SLC24A2: variants seen among roughly 807,000 people sequenced by gnomAD.
SLC24A2 encodes the protein solute carrier family 24 member 2.
A neutral mutation model predicts 62.0 loss-of-function variants in SLC24A2; 36 were observed. The observed-to-expected ratio is 0.58, with a 90% CI of 0.44 to 0.77. SLC24A2 has a LOEUF of 0.77. SLC24A2 is among the 30% of genes least tolerant of loss of function. The probability of loss-of-function intolerance (pLI) is 0.00; values close to 1 mark genes in which losing one functional copy is unlikely to be tolerated. For missense variants in SLC24A2, 846 were observed against 817.9 expected, an observed-to-expected ratio of 1.03 and a Z score of -0.42; for synonymous variants, 358 against 294.0, an observed-to-expected ratio of 1.22 and a Z score of -2.23.
the SLC24A2 span, among the ~76,000 whole-genome samples, chr9:20,264,017 G>C: frequency 1.9e-4 from 29 of 152,152 alleles, no homozygotes; most frequent in Non-Finnish European, 2.9e-4. Context: ...GGAATAATTA[G>C]CTCTTGACAA....
At chr9:20,056,066 G>C in the SLC24A2 span, among the ~76,000 whole-genome samples, 1 of 152,248 alleles carries the variant, frequency 6.6e-6, no homozygotes, top group East Asian at 1.9e-4. Context: ...TGTTCTAGAA[G>C]ACATCTGCCT....
intron 7 of SLC24A2, among the ~76,000 whole-genome samples, chr9:19,571,344 T>C (rs1329198781): frequency 6.6e-6 from 1 of 152,140 alleles, no homozygotes; most frequent in Non-Finnish European, 1.5e-5. Context: ...GAAACTTTCC[T>C]TAGGAAAGAA....
At chr9:20,017,313 ACGCCTGGC>A in the SLC24A2 span, among the ~76,000 whole-genome samples, 2 of 152,176 alleles carry the variant, frequency 1.3e-5, no homozygotes, top group Non-Finnish European at 2.9e-5. Context: ...GTGAGCCACC[ACGCCTGGC>A]CCCAAAATAA....
the SLC24A2 span, among the ~76,000 whole-genome samples, chr9:20,152,270 A>C: frequency 6.6e-6 from 1 of 151,920 alleles, no homozygotes; most frequent in Non-Finnish European, 1.5e-5. Flanking sequence ...ATGAGCTTTA[A>C]AACCTCTTTG....
At chr9:19,545,598 A>G (rs1262039788) in intron 8 of SLC24A2, among the ~76,000 whole-genome samples, 1 of 150,688 alleles carries the variant, frequency 6.6e-6, no homozygotes, top group East Asian at 2.0e-4. Flanking sequence ...TGACCTTCGG[A>G]TGGGGTCTCT....
intron 2 of SLC24A2, among the ~76,000 whole-genome samples, chr9:19,708,668 T>C (rs1393568142): frequency 6.6e-6 from 1 of 152,196 alleles, no homozygotes; most frequent in Non-Finnish European, 1.5e-5. Context: ...GGATTCCCTA[T>C]TTAATAAATG....
the SLC24A2 span, among the ~76,000 whole-genome samples, chr9:20,278,724 C>G: frequency 6.6e-6 from 1 of 152,204 alleles, no homozygotes; most frequent in African/African-American, 2.4e-5. Context: ...TTTAGACTTT[C>G]TCACATTTTC....
chr9:19,841,282 A>G, the SLC24A2 span, among the ~76,000 whole-genome samples: 1 of 152,154 alleles, frequency 6.6e-6, no homozygotes, highest in Non-Finnish European at 1.5e-5. Context: ...AAAATAAGGC[A>G]GAGAAGGGGA....
chr9:20,076,525 G>C, the SLC24A2 span, among the ~76,000 whole-genome samples: 1 of 152,120 alleles, frequency 6.6e-6, no homozygotes, highest in Non-Finnish European at 1.5e-5. Context: ...CCAGAAGCTG[G>C]GAAGAGGCAA....
Position 19,598,892 on chromosome 9 carries a change from T to C in SLC24A2, c.1079-1613A>G, listed in dbSNP as rs528863624. ...TAACAAATCACATCAGCCAACTAACTGTTTTGTGACCTCTCTTCCTTCCCT... is the reference window on the plus strand; with the variant it reads ...TAACAAATCACATCAGCCAACTAACCGTTTTGTGACCTCTCTTCCTTCCCT... On this transcript the variant is annotated intron_variant, in intron 4 of 10. Coordinates refer to ENST00000341998, the MANE Select transcript of SLC24A2 (RefSeq NM_020344.4). Among the ~76,000 whole-genome samples, 3 of 152,356 alleles carry C rather than the reference T, an allele frequency of 2.0e-5. No individual in the cohort carries two copies. The South Asian group carries it at 6.2e-4, about 32-fold the overall frequency.
chr9:19,550,706 CTTT>C (rs10630327), intron 7 of SLC24A2, among the ~76,000 whole-genome samples: 1 of 145,068 alleles, frequency 6.9e-6, no homozygotes, highest in Admixed American at 6.9e-5. Context: ...TTCTTTTTCT[CTTT>C]TTTTTTTTTT....
the SLC24A2 span, among the ~76,000 whole-genome samples, chr9:20,294,730 A>G: frequency 6.6e-6 from 1 of 152,164 alleles, no homozygotes; most frequent in African/African-American, 2.4e-5. Flanking sequence ...CAAATATGAT[A>G]TTTCAGGCAC....
intron 2 of SLC24A2, among the ~76,000 whole-genome samples, chr9:19,721,521 A>G (rs1220791004): frequency 1.3e-5 from 2 of 152,162 alleles, no homozygotes; most frequent in Non-Finnish European, 2.9e-5. Flanking sequence ...TTCACAATGA[A>G]GTTTTAAAAG....
the SLC24A2 span, among the ~76,000 whole-genome samples, chr9:20,225,854 C>T: frequency 1.3e-5 from 2 of 151,602 alleles, no homozygotes; most frequent in Admixed American, 1.3e-4. Context: ...TATTGTTTCC[C>T]AGCATTTGTT....
chr9:19,697,650 T>C (rs542850516), intron 2 of SLC24A2, among the ~76,000 whole-genome samples: 1 of 152,316 alleles, frequency 6.6e-6, no homozygotes, highest in East Asian at 1.9e-4. Flanking sequence ...ATTTTAGAAA[T>C]ATTGTATTAT....
In SLC24A2 at chr9:19,636,308, T is replaced by TCTTTC. The variant is rs1564009586; in HGVS notation, c.931-14010_931-14009insGAAAG. Among the ~76,000 whole-genome samples, 65 of 39,866 alleles carry TCTTTC rather than the reference T, an allele frequency of 1.6e-3. 7 individuals carry two copies. Among genetic ancestry groups the TCTTTC allele is most frequent in the African/African-American group, 5.9e-3 (56 of 9,416 alleles). 26.2% of individuals were successfully genotyped at this position (39,866 alleles called of 152,430 possible). ...TCTCTTCTTTTCTTTTCTTTTCTTT[T>TCTTTC]CTTTTCTTTTCTTTCTTTCTTTCTT... On this transcript the variant is annotated intron_variant, in intron 2 of 10. Coordinates refer to ENST00000341998, the MANE Select transcript of SLC24A2 (RefSeq NM_020344.4).
the SLC24A2 span, among the ~76,000 whole-genome samples, chr9:19,937,129 G>A: frequency 1.3e-5 from 2 of 152,084 alleles, no homozygotes; most frequent in Admixed American, 1.3e-4. Flanking sequence ...GCTGCAGCTG[G>A]GCCACACATT....
the SLC24A2 span, among the ~76,000 whole-genome samples, chr9:20,178,063 A>G: frequency 6.6e-6 from 1 of 152,124 alleles, no homozygotes; most frequent in African/African-American, 2.4e-5. Context: ...GCTATTAACT[A>G]TAGAGTCTGG....
At chr9:20,072,919 A>G in the SLC24A2 span, among the ~76,000 whole-genome samples, 3 of 152,154 alleles carry the variant, frequency 2.0e-5, no homozygotes, top group Non-Finnish European at 4.4e-5. Flanking sequence ...GAGAATAAAC[A>G]TGTTTTGTTT....
Sources: gnomAD v4.1 joint callset for allele counts (sites outside exome capture counted in the v4.1 genomes callset) on GRCh38, gnomAD v4.1.1 for gene constraint, MANE v1.5 for transcripts, NCBI Gene and HGNC (gene_info 2026-07-23, HGNC 2026-07-21) for gene names.